The following RNF166 variants were observed in gnomAD, a reference collection of about 807,000 sequenced individuals.
The protein encoded by RNF166 is ring finger protein 166, also known as E3 ubiquitin-protein ligase RNF166.
Under a neutral mutation model 29.4 loss-of-function variants are expected in RNF166, and 19 were observed. The observed-to-expected ratio is 0.65, with a 90% CI of 0.45 to 0.95. RNF166 has a LOEUF of 0.95. Ranked by LOEUF, RNF166 falls within the 40% of genes least tolerant of loss-of-function variation. RNF166 has a pLI of 0.00. For synonymous variants in RNF166, 171 were observed against 134.5 expected (o/e 1.27, Z -1.88); for missense variants, 347 against 322.1 (o/e 1.08, Z -0.59).
chr16:88,704,499 T>G (rs756080351), intron 1 of RNF166: 5 of 985,358 alleles, frequency 5.1e-6, no homozygotes, highest in Non-Finnish European at 6.0e-6. Flanking sequence ...AAAAGACATA[T>G]TTGAAAAAGA....
At position 88,703,032 on chromosome 16, in the gene RNF166, G is replaced by A. The variant is rs1910415736; in HGVS notation, c.156-1614C>T. The A allele has an allele frequency of 9.1e-6, 9 of 985,254 alleles. No individual in the cohort carries two copies. In the South Asian group the frequency reaches 1.9e-4, roughly 21 times the overall value. 61.0% of individuals were successfully genotyped at this position (985,254 alleles called of 1,614,324 possible). ...GTGCACACCCATGGAAAGGGCGTTC[G>A]GCCGGGAAGAGGCGTGCAGCCCCAC... On this transcript the variant is annotated intron_variant, in intron 1 of 5. Coordinates refer to ENST00000312838, the MANE Select transcript of RNF166 (RefSeq NM_178841.4).
Position 88,701,389 on chromosome 16 carries a change from A to G in RNF166, c.185T>C (p.Leu62Pro). 1 of 1,609,662 alleles carries G rather than the reference A, an allele frequency of 6.2e-7. No homozygotes were observed. Among genetic ancestry groups the G allele is most frequent in the African/African-American group, 1.3e-5 (1 of 75,026 alleles). ...TGGGCACAGCGGGGATGGCACCTGC[A>G]GGCAGGGCTGGAGACACTCCCCGCA... Reference protein sequence around the residue: ...TFCGECLQPCLQVPSPLCPLC... With the variant: ...TFCGECLQPCPQVPSPLCPLC... The change falls in exon 2 of 6, where the codon CTG (leucine) becomes CCG (proline). Residue 62 changes from leucine to proline, a missense_variant. Transcript: ENST00000312838.
intron 1 of RNF166, chr16:88,704,141 G>A (rs1910537307): frequency 1.0e-6 from 1 of 985,364 alleles, no homozygotes; most frequent in African/African-American, 1.7e-5. Flanking sequence ...GCTCTGGTTG[G>A]GGAGCTTGCG....
intron 1 of RNF166, chr16:88,703,253 T>A (rs1308868119): frequency 1.0e-6 from 1 of 979,192 alleles, no homozygotes; most frequent in East Asian, 1.1e-4. Flanking sequence ...ATTGCATCGA[T>A]TGTTGCATAA....
chr16:88,698,159 C>T lies in RNF166; in HGVS notation c.648+343G>A, dbSNP rs573516316. On this transcript the variant is annotated intron_variant, in intron 5 of 5. Coordinates refer to ENST00000312838, the MANE Select transcript of RNF166 (RefSeq NM_178841.4). ...GAAAAGGAGACAGGGCTGGAGTGTT[C>T]GATGTTGATGAAAGTCCTTCCCGCG... 1,306 of 601,516 alleles carry T rather than the reference C, an allele frequency of 2.2e-3. 1 individual carries two copies. The highest frequency in any genetic ancestry group is 3.2e-3 in the Non-Finnish European group (1,091 of 337,408). The allele number at this position is 601,516 out of a possible 1,614,324, so 37.3% of individuals were successfully genotyped here.
At chr16:88,701,174 G>T in intron 2 of RNF166, 88 bp downstream of exon 2, 1 of 1,521,322 alleles carries the variant, frequency 6.6e-7, no homozygotes, top group Non-Finnish European at 9.0e-7. Context: ...AAGAGAGAGG[G>T]CCCCGGCCCC....
rs901698895 is a variant in RNF166, at chr16:88,706,196, C to A, written c.130G>T (p.Val44Leu). The part of the protein sequence containing the change: ...PICLEVYHRP[V>L]AIGSCGHTFC... ...GTGTGGCCGCAGCTGCCGATGGCCA[C>A]GGGCCGGTGATAGACCTCCAGGCAG... Residue 44 changes from valine (V) to leucine (L), a missense_variant, in exon 1 of 6, where the codon GTG becomes TTG. By Grantham distance (32) the Val-to-Leu change is conservative. Transcript: ENST00000312838. 372 of 1,298,708 alleles carry A rather than the reference C, an allele frequency of 2.9e-4. No individual in the cohort carries two copies. Among genetic ancestry groups the A allele is most frequent in the Non-Finnish European group, 3.5e-4 (356 of 1,018,286 alleles). The allele number at this position is 1,298,708 out of a possible 1,614,324, so 80.4% of individuals were successfully genotyped here. A position where few individuals can be genotyped will look rare whatever the true frequency, so the allele number is the denominator to read the frequency against.
chr16:88,703,121 G>C, intron 1 of RNF166: 1 of 985,350 alleles, frequency 1.0e-6, no homozygotes, highest in Non-Finnish European at 1.2e-6. Flanking sequence ...CCCGTGTCGT[G>C]GGGGTCCACT....
chr16:88,706,350 G>A lies in RNF166; in HGVS notation c.-25C>T. The A allele has an allele frequency of 2.5e-6, 3 of 1,214,192 alleles. No homozygotes were observed. Among genetic ancestry groups the A allele is most frequent in the Non-Finnish European group, 3.1e-6 (3 of 977,258 alleles). The allele number at this position is 1,214,192 out of a possible 1,614,324, so 75.2% of individuals were successfully genotyped here. On this transcript the variant is annotated 5_prime_UTR_variant, in exon 1 of 6. Coordinates refer to ENST00000312838, the MANE Select transcript of RNF166 (RefSeq NM_178841.4). ...TCCCGGGGCCAGGCCCGCGCCGCCC[G>A]CCGCCCGCTGTCCTGGCCCGGGCCG...
intron 1 of RNF166, chr16:88,703,845 C>G (rs895558562): frequency 1.6e-5 from 16 of 985,356 alleles, no homozygotes; most frequent in Non-Finnish European, 1.8e-5. Context: ...CGGCCCGTGC[C>G]TCAGGGATCT....
intron 1 of RNF166, chr16:88,702,654 C>T (rs1910370823): frequency 1.4e-5 from 13 of 958,478 alleles, no homozygotes; most frequent in Non-Finnish European, 1.6e-5. Context: ...AGAGCCACCA[C>T]CTGGCTGGTG....
At chr16:88,704,111 C>T (rs1675839490) in intron 1 of RNF166, 1 of 985,468 alleles carries the variant, frequency 1.0e-6, no homozygotes, top group African/African-American at 1.7e-5. Context: ...CATGAGAGAT[C>T]TACCCTGGAG....
In RNF166 at chr16:88,701,290, T is replaced by C. The variant is rs748154404; in HGVS notation, c.284A>G (p.Lys95Arg). ...TTTGTTGCAGCCTCGACAGGGCGCT[T>C]TGTAGGATGAGAGCTGCTTCTCCAC... ...THVEKQLSSY[K>R]APCRGCNKKV... Residue 95 changes from lysine (K) to arginine (R), a missense_variant, in exon 2 of 6, where the codon AAA (lysine) becomes AGA (arginine). By Grantham distance (26) the Lys-to-Arg change is conservative (BLOSUM62 2). Transcript: ENST00000312838. 6.2e-7 allele frequency: 1 copy of C among 1,613,732 alleles called. No homozygotes were observed. The highest frequency in any genetic ancestry group is 2.2e-5 in the East Asian group (1 of 44,866).
chr16:88,698,907 G>A, intron 4 of RNF166, 64 bp downstream of exon 4: 2 of 1,278,336 alleles, frequency 1.6e-6, no homozygotes, highest in South Asian at 2.5e-5. Context: ...AGGCTCCTGG[G>A]CCTTGTACTG....
intron 1 of RNF166, chr16:88,703,383 C>G: frequency 4.1e-6 from 4 of 985,428 alleles, no homozygotes; most frequent in Non-Finnish European, 4.8e-6. Flanking sequence ...GGAAAAGGGT[C>G]CCAGGCAGAG....
At chr16:88,701,679 T>G in intron 1 of RNF166, 1 of 449,058 alleles carries the variant, frequency 2.2e-6, no homozygotes, top group Non-Finnish European at 4.0e-6. Context: ...GCCGTCACTA[T>G]GGCTGTCCCC....
intron 3 of RNF166, 73 bp downstream of exon 3, chr16:88,699,547 G>A: frequency 4.2e-6 from 5 of 1,192,612 alleles, no homozygotes; most frequent in Non-Finnish European, 6.0e-6. Flanking sequence ...TCTGGGATGG[G>A]GCACTGCGCT....
intron 1 of RNF166, among the ~76,000 whole-genome samples, chr16:88,702,354 G>A (rs964269353): frequency 2.0e-5 from 3 of 152,198 alleles, no homozygotes. Flanking sequence ...CCAGTCCCAG[G>A]AAGGCTACAG....
chr16:88,703,903 C>T (rs1053224380), intron 1 of RNF166: 2 of 985,328 alleles, frequency 2.0e-6, no homozygotes, highest in African/African-American at 3.5e-5. Flanking sequence ...AGCTGTCCTG[C>T]ACGAGTGGAG....
Sources: gnomAD v4.1 joint callset for allele counts (sites outside exome capture counted in the v4.1 genomes callset) on GRCh38, gnomAD v4.1.1 for gene constraint, MANE v1.5 for transcripts, NCBI Gene and HGNC (gene_info 2026-07-23, HGNC 2026-07-21) for gene names.